POM121: variants seen among roughly 807,000 people sequenced by gnomAD.
The protein encoded by POM121 is nuclear envelope pore membrane protein POM 121.
POM121 carries 32 observed loss-of-function variants against 81.3 expected under a neutral mutation model. That is an observed-to-expected ratio of 0.39 (90% confidence interval 0.30 to 0.53). The LOEUF is 0.53. Ranked by LOEUF, POM121 falls within the 20% of genes least tolerant of loss-of-function variation. POM121 has a pLI of 0.66. For missense variants in POM121, 1,138 were observed against 1,614.6 expected (o/e 0.70, Z 5.06); for synonymous variants, 514 against 694.2 (o/e 0.74, Z 4.08).
intron 5 of POM121, among the ~76,000 whole-genome samples, chr7:72,931,771 A>G (rs1796048172): frequency 1.3e-5 from 2 of 152,056 alleles, no homozygotes; most frequent in Admixed American, 1.3e-4. Flanking sequence ...AGATTTCACC[A>G]TGTTGGCCAG....
At chr7:72,928,243 G>T in intron 3 of POM121, 142 bp from the exon 4 acceptor site, 1 of 1,241,906 alleles carries the variant, frequency 8.1e-7, no homozygotes, top group Non-Finnish European at 1.1e-6. Context: ...AGAAGCTTAG[G>T]GATTTTAAAC....
rs181391085 is a variant in POM121 at position 72,913,368 on chromosome 7, C to T, written c.-215-397C>T. Among the ~76,000 whole-genome samples, 9 of 152,306 alleles carry T rather than the reference C, an allele frequency of 5.9e-5. No individual in the cohort carries two copies. In the East Asian group the frequency reaches 1.4e-3, roughly 23 times the overall value. On this transcript the variant is annotated intron_variant, in intron 3 of 15. Transcript: ENST00000395270. ...AGAGAAAGTCATGGGCAGATGGAGC[C>T]GTGGATTAGTTCTTTTTTCCAGTCT...
At chr7:72,943,633 A>G in intron 11 of POM121, 111 bp downstream of exon 11, 2 of 1,460,304 alleles carry the variant, frequency 1.4e-6, no homozygotes, top group Middle Eastern at 2.5e-4. Flanking sequence ...CAGGCACTGA[A>G]TATAGAACTC....
chr7:72,932,286 C>T (rs1191670098), intron 5 of POM121, among the ~76,000 whole-genome samples: 2 of 151,730 alleles, frequency 1.3e-5, no homozygotes, highest in Non-Finnish European at 2.9e-5. Flanking sequence ...GTTTTTTAAA[C>T]GGTATGCATA....
chr7:72,898,888 T>C (rs1475823343), intron 3 of POM121, among the ~76,000 whole-genome samples: 9 of 151,074 alleles, frequency 6.0e-5, no homozygotes, highest in Non-Finnish European at 1.3e-4. Flanking sequence ...GAAGGCGTTG[T>C]ATAGTTTGTC....
exon 1 of POM121, chr7:72,879,861 G>A (rs1789953124): frequency 3.9e-6 from 2 of 513,160 alleles, no homozygotes; most frequent in Non-Finnish European, 7.7e-6. Flanking sequence ...GAGCCGTGGG[G>A]CAGAGGCTGC....
At chr7:72,924,564 C>A (rs1339779932), upstream of POM121, 1 of 152,554 alleles carries the variant, frequency 6.6e-6, no homozygotes, top group Non-Finnish European at 1.5e-5. Context: ...CTATTCCCCA[C>A]CCCCAAACCC....
chr7:72,908,655 G>A lies in POM121; in HGVS notation c.-215-5110G>A, dbSNP rs868943086. Among the ~76,000 whole-genome samples, 12 of 152,224 alleles carry A rather than the reference G, an allele frequency of 7.9e-5. No individual in the cohort carries two copies. The South Asian group carries it at 1.7e-3, about 21-fold the overall frequency. Reference sequence around the variant, plus strand: ...TTATCTGCAACCGTAAAAGACAGACGTTCCCAGAGCGGCCATTTTAGAGCC... The same window carrying A: ...TTATCTGCAACCGTAAAAGACAGACATTCCCAGAGCGGCCATTTTAGAGCC... On this transcript the variant is annotated intron_variant, in intron 3 of 15. Coordinates refer to the POM121 transcript ENST00000395270.
intron 4 of POM121, among the ~76,000 whole-genome samples, chr7:72,915,094 A>G (rs577165378): frequency 2.0e-5 from 3 of 152,348 alleles, no homozygotes; most frequent in Admixed American, 2.0e-4. Context: ...AACAATCTTG[A>G]GAGAATCAAT....
chr7:72,941,420 A>G (rs1385427886), intron 10 of POM121, among the ~76,000 whole-genome samples: 2 of 148,354 alleles, frequency 1.3e-5, no homozygotes, highest in African/African-American at 2.5e-5. Flanking sequence ...CTGCGCGCGC[A>G]CACCTCTTTA....
chr7:72,930,708 C>T lies in POM121; in HGVS notation c.1275+597C>T, dbSNP rs188770573. 2.9e-4 allele frequency among the ~76,000 whole-genome samples: 44 copies of T among 152,280 alleles called. 1 individual carries two copies. Among genetic ancestry groups the T allele is most frequent in the Non-Finnish European group, 5.1e-4 (35 of 68,030 alleles). ...ACAGACTTAGATTCAAATCTTGGCT[C>T]TGAGGCTGGGCGGGATGGCTCATGC... On this transcript the variant is annotated intron_variant, in intron 5 of 12. Coordinates refer to ENST00000434423, the MANE Select transcript of POM121 (RefSeq NM_001387691.1).
chr7:72,934,436 A>G (rs1301021934), intron 5 of POM121, among the ~76,000 whole-genome samples: 35 of 152,186 alleles, frequency 2.3e-4, no homozygotes, highest in African/African-American at 7.7e-4. Context: ...TATATGTTCT[A>G]GATACAAGCT....
Position 72,942,825 on chromosome 7 carries a change from CA to C in POM121, c.2833del (p.Thr945ProfsTer70). On this transcript the variant is annotated frameshift_variant, in exon 11 of 13. Coordinates refer to ENST00000434423, the MANE Select transcript of POM121 (RefSeq NM_001387691.1). LOFTEE classifies it high-confidence loss of function. Reference sequence around the variant, plus strand: ...CCACTCTGACGTTCAGTAACACGAGCACCCCCACGTTCAACATTCCCTTTGG... The same window carrying C: ...CCACTCTGACGTTCAGTAACACGAGCCCCCCACGTTCAACATTCCCTTTGG... ...QPTLTFSNTS[T>X]PTFNIPFGSS... 6.5e-7 allele frequency: 1 copy of C among 1,539,730 alleles called. No homozygotes were observed. The highest frequency in any genetic ancestry group is 8.7e-7 in the Non-Finnish European group (1 of 1,145,686).
upstream of POM121, chr7:72,925,019 C>T: frequency 3.0e-6 from 4 of 1,330,306 alleles, no homozygotes; most frequent in Non-Finnish European, 3.8e-6. Flanking sequence ...GCGGTAGCGT[C>T]TCCCGGAGTC....
At chr7:72,920,089 G>C (rs1189435050) in intron 4 of POM121, among the ~76,000 whole-genome samples, 1 of 152,020 alleles carries the variant, frequency 6.6e-6, no homozygotes, top group Non-Finnish European at 1.5e-5. Context: ...CATTATGTTT[G>C]GAAAATGTTT....
In POM121 at chr7:72,925,517, G is replaced by A. The variant is rs1554497057; in HGVS notation, c.396G>A (p.Ala132=). ...CCCTGCTCGAAGGACCTGACCCTGC[G>A]GAACTGCTACTCATGGGCAGTTACC... ...PRTLLEGPDP[A]ELLLMGSYLG... is the part of the protein sequence containing the mutation. The change falls in exon 1 of 13, where the codon GCG becomes GCA. Residue 132 remains alanine (A), a synonymous_variant. Transcript: ENST00000434423. The A allele has an allele frequency of 6.5e-7, 1 of 1,533,474 alleles. No homozygotes were observed. Among genetic ancestry groups the A allele is most frequent in the Admixed American group, 2.0e-5 (1 of 50,970 alleles). 95.0% of individuals were successfully genotyped at this position (1,533,474 alleles called of 1,614,324 possible). A position where few individuals can be genotyped will look rare whatever the true frequency, so the allele number is the denominator to read the frequency against.
chr7:72,930,078 C>G lies in POM121; in HGVS notation c.1242C>G (p.Thr414=). The G allele has an allele frequency of 6.2e-7, 1 of 1,613,730 alleles. No homozygotes were observed. The highest frequency in any genetic ancestry group is 8.5e-7 in the Non-Finnish European group (1 of 1,179,704). The change falls in exon 5 of 13, where the codon ACC becomes ACG. Residue 414 remains threonine, a synonymous_variant. Transcript: ENST00000434423. ...GIPSSSRNAI[T]SSYSSTRGIS... ...CTAGCTCCAGCCGCAATGCCATTAC[C>G]AGTTCCTACAGCTCCACTCGAGGCA...
At chr7:72,930,982 G>A (rs1173863539) in intron 5 of POM121, among the ~76,000 whole-genome samples, 4 of 152,162 alleles carry the variant, frequency 2.6e-5, no homozygotes, top group African/African-American at 9.7e-5. Flanking sequence ...CTGTCAGTAA[G>A]TGGGTACCCA....
chr7:72,922,570 T>TA (rs1220152512), upstream of POM121, among the ~76,000 whole-genome samples: 4 of 151,702 alleles, frequency 2.6e-5, no homozygotes, highest in African/African-American at 4.8e-5. Context: ...TTTTTTTTTT[T>TA]ATCAGAGACT....
Sources: allele counts gnomAD v4.1 joint callset (sites outside exome capture counted in the v4.1 genomes callset), GRCh38; gene constraint gnomAD v4.1.1; transcripts MANE v1.5; gene names NCBI Gene and HGNC (gene_info 2026-07-23, HGNC 2026-07-21).